WDR41: variants seen among roughly 807,000 people sequenced by gnomAD.
The protein encoded by WDR41 is WD repeat domain 41.
A neutral mutation model predicts 69.3 loss-of-function variants in WDR41; 63 were observed. That is an observed-to-expected ratio of 0.91 (90% CI 0.74 to 1.12). WDR41 has a LOEUF of 1.12. Among genes scored for constraint, WDR41 ranks in the 50% most tolerant of loss-of-function variants. WDR41 has a pLI of 0.00. For synonymous variants in WDR41, 185 were observed against 192.1 expected, an observed-to-expected ratio of 0.96 and a Z score of 0.31; for missense variants, 543 against 534.5, an observed-to-expected ratio of 1.02 and a Z score of -0.16.
At chr5:77,458,452 A>G (rs370820595) in intron 5 of WDR41, among the ~76,000 whole-genome samples, 5 of 152,188 alleles carry the variant, frequency 3.3e-5, no homozygotes, top group African/African-American at 1.2e-4. Context: ...ACTTGCTTAC[A>G]TTACTAAAAA....
At chr5:77,484,050 A>G (rs1801404986) in intron 2 of WDR41, among the ~76,000 whole-genome samples, 1 of 152,192 alleles carries the variant, frequency 6.6e-6, no homozygotes, top group African/African-American at 2.4e-5. Flanking sequence ...TTTTATCTAG[A>G]AATTAGAGTT....
rs1203345664 is a variant in WDR41 at position 77,432,576 on chromosome 5, C to T, written c.*559G>A. 6.6e-6 allele frequency: 1 copy of T among 152,366 alleles called. No homozygotes were observed. The highest frequency in any genetic ancestry group is 1.9e-4 in the East Asian group (1 of 5,178). 9.4% of individuals were successfully genotyped at this position (152,366 alleles called of 1,614,324 possible). ...AGATGCCTATCCATTTGAGTTCATA[C>T]AGGTTTTAGTAGCTAGAACTAAAAA... On this transcript the variant is annotated 3_prime_UTR_variant, in exon 13 of 13. Transcript: ENST00000296679.
At chr5:77,470,757 G>A (rs1488755866) in intron 2 of WDR41, among the ~76,000 whole-genome samples, 1 of 152,128 alleles carries the variant, frequency 6.6e-6, no homozygotes, top group Non-Finnish European at 1.5e-5. Context: ...ACCCAATACA[G>A]GAGCACCCAG....
At chr5:77,569,001 C>T (rs764938817) in intron 1 of WDR41, among the ~76,000 whole-genome samples, 2 of 152,164 alleles carry the variant, frequency 1.3e-5, no homozygotes, top group African/African-American at 4.8e-5. Flanking sequence ...AGACGTCACC[C>T]CATCGCTGTG....
chr5:77,472,123 G>A (rs544615722), intron 2 of WDR41, among the ~76,000 whole-genome samples: 15 of 152,194 alleles, frequency 9.9e-5, no homozygotes, highest in South Asian at 2.1e-4. Context: ...TTCAATATAC[G>A]CAAATCAATA....
chr5:77,603,460 T>G (rs756048588), intron 1 of WDR41, among the ~76,000 whole-genome samples: 1 of 152,228 alleles, frequency 6.6e-6, no homozygotes, highest in Non-Finnish European at 1.5e-5. Context: ...GTTTCTTGTA[T>G]GTGTTGGACA....
intron 1 of WDR41, among the ~76,000 whole-genome samples, chr5:77,564,329 G>C (rs1403696224): frequency 6.6e-6 from 1 of 152,306 alleles, no homozygotes; most frequent in East Asian, 1.9e-4. Flanking sequence ...GGAGGCAAGA[G>C]AATTGCTTGA....
intron 1 of WDR41, among the ~76,000 whole-genome samples, chr5:77,588,401 T>C (rs1012441416): frequency 6.6e-6 from 1 of 152,208 alleles, no homozygotes; most frequent in Non-Finnish European, 1.5e-5. Context: ...TTACAAAATG[T>C]ATTGCTTCAC....
Position 77,433,215 on chromosome 5 carries a change from C to T in WDR41, c.1300G>A (p.Gly434Arg), listed in dbSNP as rs181388106. Reference protein sequence around the residue: ...ADHLIILWKNGERESGLRSLR... With the variant: ...ADHLIILWKNRERESGLRSLR... ...CTGCGCAATCCAGATTCTCGCTCTC[C>T]ATTTTTCCACAAAATAATGAGATGA... The change falls in exon 13 of 13, where the codon GGA becomes AGA. Residue 434 changes from glycine to arginine, a missense_variant. Physicochemically the swap from Gly to Arg is moderately radical, Grantham distance 125 (BLOSUM62 -2). Coordinates refer to ENST00000296679, the MANE Select transcript of WDR41 (RefSeq NM_018268.4). 42 of 1,614,060 alleles carry T rather than the reference C, an allele frequency of 2.6e-5. No individual in the cohort carries two copies. In the African/African-American group the frequency reaches 4.8e-4, roughly 18 times the overall value.
At chr5:77,611,048 A>C (rs1162758253) in intron 1 of WDR41, among the ~76,000 whole-genome samples, 2 of 152,246 alleles carry the variant, frequency 1.3e-5, no homozygotes, top group Non-Finnish European at 1.5e-5. Context: ...AAAGATCAAA[A>C]GAGACAAACA....
At chr5:77,598,950 A>T (rs982492715) in intron 1 of WDR41, among the ~76,000 whole-genome samples, 1 of 152,100 alleles carries the variant, frequency 6.6e-6, no homozygotes, top group Admixed American at 6.6e-5. Context: ...ATTCCTGACA[A>T]AAGAAAATAC....
chr5:77,528,054 A>G (rs879530837), intron 1 of WDR41, among the ~76,000 whole-genome samples: 9 of 151,770 alleles, frequency 5.9e-5, no homozygotes, highest in Non-Finnish European at 1.0e-4. Flanking sequence ...GAAGAAAATA[A>G]TAAAGATTAT....
At chr5:77,506,039 G>A (rs1802099476) in intron 1 of WDR41, among the ~76,000 whole-genome samples, 1 of 152,120 alleles carries the variant, frequency 6.6e-6, no homozygotes, top group Non-Finnish European at 1.5e-5. Context: ...AGACAAATGA[G>A]ATCTAATTAA....
In WDR41 at chr5:77,438,235, T is replaced by TG; in HGVS notation, c.1004+4dup. On this transcript the variant is annotated splice_donor_region_variant and intron_variant, in intron 10 of 12. Coordinates refer to ENST00000296679, the MANE Select transcript of WDR41 (RefSeq NM_018268.4). ...ATCTATTGCAGAACAGATGGGAACT[T>TG]GTACCTGTTTGGAAGTCTGGCAACG... 6.2e-7 allele frequency: 1 copy of TG among 1,613,868 alleles called. No individual in the cohort carries two copies. The highest frequency in any genetic ancestry group is 8.5e-7 in the Non-Finnish European group (1 of 1,179,790).
intron 1 of WDR41, among the ~76,000 whole-genome samples, chr5:77,566,795 G>C (rs191169491): frequency 6.6e-6 from 1 of 152,062 alleles, no homozygotes; most frequent in African/African-American, 2.4e-5. Flanking sequence ...CTCAGGGTGC[G>C]TGAATTGACT....
At chr5:77,566,095 G>T (rs916536516) in intron 1 of WDR41, among the ~76,000 whole-genome samples, 2 of 152,006 alleles carry the variant, frequency 1.3e-5, no homozygotes, top group Admixed American at 6.6e-5. Context: ...GACTGCTCTG[G>T]TTTGAATTTC....
chr5:77,617,142 A>C lies in WDR41; in HGVS notation c.42+3337T>G, dbSNP rs958783151. ...GCACTGTCCAATAAAGCTTTTTGTG[A>C]TGATATCCAATATAATAGCCACAAG... On this transcript the variant is annotated intron_variant, in intron 1 of 5. Coordinates refer to the WDR41 transcript ENST00000509971. 2.0e-5 allele frequency among the ~76,000 whole-genome samples: 3 copies of C among 152,208 alleles called. 1 individual carries two copies. The highest frequency in any genetic ancestry group is 7.2e-5 in the African/African-American group (3 of 41,462).
At chr5:77,474,575 C>T (rs1283852614) in intron 2 of WDR41, among the ~76,000 whole-genome samples, 1 of 152,188 alleles carries the variant, frequency 6.6e-6, no homozygotes, top group Non-Finnish European at 1.5e-5. Context: ...GCCATAGATG[C>T]TGACGCAACC....
chr5:77,456,706 T>A (rs1799848410), intron 5 of WDR41, among the ~76,000 whole-genome samples: 1 of 152,064 alleles, frequency 6.6e-6, no homozygotes, highest in South Asian at 2.1e-4. Context: ...AATTTTTATT[T>A]TATTATTTTT....
Sources: allele counts gnomAD v4.1 joint callset (sites outside exome capture counted in the v4.1 genomes callset), GRCh38; gene constraint gnomAD v4.1.1; transcripts MANE v1.5; gene names NCBI Gene and HGNC (gene_info 2026-07-23, HGNC 2026-07-21).